The following CTNNA3 variants were observed in gnomAD, a reference collection of about 807,000 sequenced individuals.
The protein encoded by CTNNA3 is catenin alpha 3, also known as catenin alpha-3.
A neutral mutation model predicts 95.7 loss-of-function variants in CTNNA3; 76 were observed. That is an observed-to-expected ratio of 0.79 (90% CI 0.66 to 0.96). CTNNA3 has a LOEUF of 0.96. Ranked by LOEUF, CTNNA3 falls within the 40% of genes least tolerant of loss-of-function variation. The probability of loss-of-function intolerance (pLI) is 0.00; values close to 1 mark genes in which losing one functional copy is unlikely to be tolerated. For missense variants in CTNNA3, 1,191 were observed against 1,089.8 expected (o/e 1.09, Z -1.31); for synonymous variants, 431 against 374.4 (o/e 1.15, Z -1.74).
chr10:67,606,927 C>G lies in CTNNA3; in HGVS notation c.222G>C (p.Glu74Asp). Residue 74 changes from glutamate to aspartate, a missense_variant, in exon 3 of 18, where the codon GAG becomes GAC. Physicochemically the swap from Glu to Asp is conservative, Grantham distance 45 (BLOSUM62 2). Coordinates refer to ENST00000433211, the MANE Select transcript of CTNNA3 (RefSeq NM_013266.4). Reference sequence around the variant, plus strand: ...AAACTGTAGCTTCCTGGGCAATCTTCTCTCCCTTGTCTAATAAATTCCAAG... The same window carrying G: ...AAACTGTAGCTTCCTGGGCAATCTTGTCTCCCTTGTCTAATAAATTCCAAG... ...EATWNLLDKGEKIAQEATVLK... is the reference protein window; with the variant it reads ...EATWNLLDKGDKIAQEATVLK... 6.2e-7 allele frequency: 1 copy of G among 1,614,152 alleles called. No homozygotes were observed. Among genetic ancestry groups the G allele is most frequent in the Non-Finnish European group, 8.5e-7 (1 of 1,179,988 alleles).
chr10:66,649,874 C>G (rs976094761), intron 9 of CTNNA3, among the ~76,000 whole-genome samples: 1 of 152,162 alleles, frequency 6.6e-6, no homozygotes, highest in Non-Finnish European at 1.5e-5. Context: ...TGGGACCCAG[C>G]CTCCAGGTTA....
chr10:67,306,858 C>T (rs764610768), intron 5 of CTNNA3, among the ~76,000 whole-genome samples: 1 of 152,156 alleles, frequency 6.6e-6, no homozygotes, highest in Non-Finnish European at 1.5e-5. Flanking sequence ...AAACCCTTCA[C>T]ATATCTGGCT....
chr10:66,310,889 TAGCC>T (rs1293435811), intron 12 of CTNNA3, among the ~76,000 whole-genome samples: 1 of 152,058 alleles, frequency 6.6e-6, no homozygotes, highest in Non-Finnish European at 1.5e-5. Context: ...TTCACCATGT[TAGCC>T]AGCCAGGATG....
At chr10:67,472,328 TA>T (rs1436362101) in intron 5 of CTNNA3, among the ~76,000 whole-genome samples, 2 of 152,062 alleles carry the variant, frequency 1.3e-5, no homozygotes, top group African/African-American at 4.8e-5. Flanking sequence ...CTATCTTAGA[TA>T]AAAATGCAGC....
chr10:67,118,201 T>C (rs959251050), intron 7 of CTNNA3, among the ~76,000 whole-genome samples: 13 of 152,036 alleles, frequency 8.6e-5, no homozygotes, highest in Non-Finnish European at 1.2e-4. Flanking sequence ...TCAATAATTA[T>C]TGCTGAAAAT....
At chr10:66,034,534 T>A (rs573439007) in intron 15 of CTNNA3, among the ~76,000 whole-genome samples, 17 of 152,300 alleles carry the variant, frequency 1.1e-4, no homozygotes, top group African/African-American at 4.1e-4. Flanking sequence ...GACAGGAAAA[T>A]AGCATGTTTA....
chr10:67,117,026 C>T lies in CTNNA3; in HGVS notation c.1047+63291G>A, dbSNP rs561336485. On this transcript the variant is annotated intron_variant, in intron 7 of 17. Transcript: ENST00000433211. Reference sequence around the variant, plus strand: ...AAAGAGGCTTAAATGTGATTCATCTCAAAATCATCAGAATAAATAAGACAG... The same window carrying T: ...AAAGAGGCTTAAATGTGATTCATCTTAAAATCATCAGAATAAATAAGACAG... Among the ~76,000 whole-genome samples the T allele has an allele frequency of 2.6e-5, 4 of 151,658 alleles. No homozygotes were observed. The East Asian group carries it at 7.8e-4, about 29-fold the overall frequency.
intron 11 of CTNNA3, among the ~76,000 whole-genome samples, chr10:66,463,334 G>A (rs1406842864): frequency 2.6e-5 from 4 of 152,112 alleles, no homozygotes; most frequent in Non-Finnish European, 4.4e-5. Flanking sequence ...CTGAAACCAT[G>A]TGATGCCTGC....
At chr10:66,940,311 T>C (rs1199948482) in intron 7 of CTNNA3, among the ~76,000 whole-genome samples, 6 of 151,930 alleles carry the variant, frequency 3.9e-5, no homozygotes, top group East Asian at 1.9e-4. Context: ...TCTGGAAACA[T>C]AGCAAGGCCT....
intron 12 of CTNNA3, among the ~76,000 whole-genome samples, chr10:66,351,013 T>C (rs10822817): frequency 0.59 from 89,494 of 151,734 alleles, 28,748 homozygotes; most frequent in Non-Finnish European, 0.72. Context: ...ATATACTATA[T>C]CAGATTATTT....
intron 5 of CTNNA3, among the ~76,000 whole-genome samples, chr10:67,508,666 C>G (rs1250280793): frequency 4.6e-5 from 7 of 151,976 alleles, no homozygotes; most frequent in Non-Finnish European, 1.0e-4. Flanking sequence ...GAAATTATAT[C>G]AAACTAAAAA....
At chr10:66,552,849 GCACATTTTC>G (rs1448661091) in intron 10 of CTNNA3, among the ~76,000 whole-genome samples, 2 of 151,322 alleles carry the variant, frequency 1.3e-5, no homozygotes, top group Non-Finnish European at 2.9e-5. Flanking sequence ...GCTTCTCTGG[GCACATTTTC>G]CTTTTTTTCC....
intron 7 of CTNNA3, among the ~76,000 whole-genome samples, chr10:66,880,969 C>T (rs565840965): frequency 6.6e-6 from 1 of 152,172 alleles, no homozygotes; most frequent in South Asian, 2.1e-4. Flanking sequence ...CTGCATGTGT[C>T]AGCACAGGGC....
chr10:66,100,590 A>G (rs1020862735), intron 14 of CTNNA3, among the ~76,000 whole-genome samples: 2 of 152,142 alleles, frequency 1.3e-5, no homozygotes, highest in Admixed American at 1.3e-4. Flanking sequence ...GCAGAACACT[A>G]ATGCAAGATG....
chr10:66,185,332 A>T (rs1335957109), intron 13 of CTNNA3, among the ~76,000 whole-genome samples: 1 of 152,114 alleles, frequency 6.6e-6, no homozygotes, highest in Non-Finnish European at 1.5e-5. Context: ...AAGATTATTC[A>T]GATATAACCT....
chr10:67,689,130 A>G (rs1429600890), intron 1 of CTNNA3, among the ~76,000 whole-genome samples: 2 of 152,182 alleles, frequency 1.3e-5, no homozygotes, highest in Non-Finnish European at 2.9e-5. Flanking sequence ...CCACTGTCCT[A>G]TAAAGATGTT....
intron 2 of CTNNA3, among the ~76,000 whole-genome samples, chr10:67,639,755 C>T (rs899270924): frequency 6.6e-6 from 1 of 152,114 alleles, no homozygotes; most frequent in Non-Finnish European, 1.5e-5. Context: ...ACGACAAAAA[C>T]CACATGATTA....
At chr10:66,670,585 C>A (rs992658154) in intron 9 of CTNNA3, among the ~76,000 whole-genome samples, 1 of 152,124 alleles carries the variant, frequency 6.6e-6, no homozygotes, top group African/African-American at 2.4e-5. Flanking sequence ...CTCCCCTCAC[C>A]GACTGATTTT....
At chr10:67,069,323 C>T (rs1355043772) in intron 7 of CTNNA3, among the ~76,000 whole-genome samples, 2 of 151,930 alleles carry the variant, frequency 1.3e-5, no homozygotes, top group Non-Finnish European at 2.9e-5. Context: ...TGCAGAAATG[C>T]CTTCCAAAGT....
Sources: allele counts gnomAD v4.1 joint callset (sites outside exome capture counted in the v4.1 genomes callset), GRCh38; gene constraint gnomAD v4.1.1; transcripts MANE v1.5; gene names NCBI Gene and HGNC (gene_info 2026-07-23, HGNC 2026-07-21).